MUC7: variants seen among roughly 807,000 people sequenced by gnomAD.
The protein encoded by MUC7 is mucin-7.
In MUC7, 2 loss-of-function variants were observed where a neutral mutation model predicts 2.5. The ratio of observed to expected loss-of-function variants is 0.81; its 90% CI spans 0.33 to 2.55. The LOEUF (loss-of-function observed/expected upper bound fraction) is 2.55, where lower values mean the gene tolerates loss of function less well. MUC7 is among the 30% of genes most tolerant of loss of function. MUC7 has a pLI of 0.11. For missense variants in MUC7, 408 were observed against 455.6 expected (o/e 0.90, Z 0.95); for synonymous variants, 133 against 173.4 (o/e 0.77, Z 1.83).
intron 1 of MUC7, among the ~76,000 whole-genome samples, chr4:70,456,033 T>A (rs1373042296): frequency 6.6e-6 from 1 of 152,192 alleles, no homozygotes; most frequent in East Asian, 1.9e-4. Context: ...CATATCACTA[T>A]CAACATTTTG....
upstream of MUC7, among the ~76,000 whole-genome samples, chr4:70,468,336 A>C (rs1010270010): frequency 2.0e-5 from 3 of 152,206 alleles, no homozygotes; most frequent in African/African-American, 7.2e-5. Context: ...ACTCCCTTTG[A>C]AAACCACCAG....
chr4:70,474,191 C>A lies in MUC7; in HGVS notation c.54+116C>A, dbSNP rs552955148. The stretch of plus-strand genomic sequence containing the variant: ...CCCCTATTTCCAAGAAGCTTGACAT[C>A]TTTTATTTCCAGGAAACCTATAAAT... On this transcript the variant is annotated intron_variant, in intron 2 of 2. Transcript: ENST00000304887. 8.6e-6 allele frequency: 7 copies of A among 816,176 alleles called. No individual in the cohort carries two copies. In the East Asian group the frequency reaches 1.5e-4, roughly 18 times the overall value. The allele number at this position is 816,176 out of a possible 1,614,324, so 50.6% of individuals were successfully genotyped here.
intron 1 of MUC7, among the ~76,000 whole-genome samples, chr4:70,432,390 A>G (rs968905404): frequency 6.6e-6 from 1 of 152,184 alleles, no homozygotes; most frequent in African/African-American, 2.4e-5. Context: ...CCATTTCTCC[A>G]CATCCTCTCC....
chr4:70,479,565 C>T (rs1735108805), intron 2 of MUC7, among the ~76,000 whole-genome samples: 1 of 152,114 alleles, frequency 6.6e-6, no homozygotes, highest in African/African-American at 2.4e-5. Flanking sequence ...TCTCATTTAT[C>T]CTGTTATATT....
At chr4:70,432,565 G>A (rs764888748) in intron 1 of MUC7, among the ~76,000 whole-genome samples, 7 of 152,094 alleles carry the variant, frequency 4.6e-5, no homozygotes, top group Non-Finnish European at 7.4e-5. Context: ...ATGTCTGTTC[G>A]TATCTTTTGC....
chr4:70,432,944 A>G (rs1199753788), intron 1 of MUC7, among the ~76,000 whole-genome samples: 1 of 152,218 alleles, frequency 6.6e-6, no homozygotes, highest in Non-Finnish European at 1.5e-5. Flanking sequence ...AGCTTTCTAC[A>G]TATGGCTAGC....
chr4:70,438,813 A>G (rs770859366), intron 1 of MUC7, among the ~76,000 whole-genome samples: 1 of 152,218 alleles, frequency 6.6e-6, no homozygotes, highest in African/African-American at 2.4e-5. Flanking sequence ...CTCTAGATAT[A>G]AGAATCTAAA....
chr4:70,443,138 T>C (rs1734046972), intron 1 of MUC7, among the ~76,000 whole-genome samples: 1 of 152,000 alleles, frequency 6.6e-6, no homozygotes, highest in Admixed American at 6.5e-5. Flanking sequence ...CACCCAGATG[T>C]TTATATTCAC....
At chr4:70,471,536 T>C (rs1231860876), upstream of MUC7, among the ~76,000 whole-genome samples, 1 of 152,188 alleles carries the variant, frequency 6.6e-6, no homozygotes, top group African/African-American at 2.4e-5. Context: ...ACAATTTCTG[T>C]AGTTTACCTT....
chr4:70,457,437 G>T (rs1340268631), intron 1 of MUC7, among the ~76,000 whole-genome samples: 1 of 152,030 alleles, frequency 6.6e-6, no homozygotes, highest in Non-Finnish European at 1.5e-5. Flanking sequence ...GCAAGACCTT[G>T]TCTCAATCAA....
At position 70,455,284 on chromosome 4, in the gene MUC7, C is replaced by T. The variant is rs184257898; in HGVS notation, c.-92-16931C>T. 4.5e-3 allele frequency among the ~76,000 whole-genome samples: 691 copies of T among 152,182 alleles called. 7 individuals carry two copies. The highest frequency in any genetic ancestry group is 0.016 in the African/African-American group (667 of 41,510). On this transcript the variant is annotated intron_variant, in intron 1 of 3. Transcript: ENST00000413702. ...CCCTGGGTCTGTCAGAGCTGGTGACCCACTTCTTAAAAAGCTTCATTAGGC... is the reference window on the plus strand; with the variant it reads ...CCCTGGGTCTGTCAGAGCTGGTGACTCACTTCTTAAAAAGCTTCATTAGGC...
chr4:70,477,015 T>C (rs1577916031), intron 2 of MUC7, among the ~76,000 whole-genome samples: 1 of 152,232 alleles, frequency 6.6e-6, no homozygotes, highest in Admixed American at 6.5e-5. Context: ...TTTAGCATAA[T>C]GCTTTCATTC....
chr4:70,456,097 C>T (rs1033441703), intron 1 of MUC7, among the ~76,000 whole-genome samples: 3 of 152,136 alleles, frequency 2.0e-5, no homozygotes, highest in Non-Finnish European at 4.4e-5. Flanking sequence ...CCTCATCTTC[C>T]TGTCTTTTTC....
chr4:70,436,270 C>G (rs1212670717), intron 1 of MUC7, among the ~76,000 whole-genome samples: 1 of 152,170 alleles, frequency 6.6e-6, no homozygotes, highest in Non-Finnish European at 1.5e-5. Context: ...TGGGGAAGTT[C>G]TCCTGGATAT....
chr4:70,445,056 A>C (rs975723508), intron 1 of MUC7, among the ~76,000 whole-genome samples: 3 of 152,136 alleles, frequency 2.0e-5, no homozygotes, highest in African/African-American at 7.2e-5. Context: ...AAAACAAAAC[A>C]AAAACAAACA....
At chr4:70,461,596 T>C (rs1483662131) in intron 1 of MUC7, among the ~76,000 whole-genome samples, 2 of 152,166 alleles carry the variant, frequency 1.3e-5, no homozygotes, top group Non-Finnish European at 1.5e-5. Flanking sequence ...TTGTCTCCTA[T>C]TCCAATACAA....
At chr4:70,434,508 G>C (rs1434142101) in intron 1 of MUC7, among the ~76,000 whole-genome samples, 2 of 152,202 alleles carry the variant, frequency 1.3e-5, no homozygotes, top group East Asian at 3.8e-4. Flanking sequence ...TATTTGCATA[G>C]AGGTGTTTAT....
chr4:70,437,386 TAC>T (rs1733872685), intron 1 of MUC7, among the ~76,000 whole-genome samples: 1 of 152,314 alleles, frequency 6.6e-6, no homozygotes, highest in South Asian at 2.1e-4. Context: ...CCTCTTTGTT[TAC>T]ATTGTGAGCA....
intron 1 of MUC7, among the ~76,000 whole-genome samples, chr4:70,444,586 T>G (rs938543969): frequency 6.6e-6 from 1 of 152,228 alleles, no homozygotes; most frequent in African/African-American, 2.4e-5. Flanking sequence ...CCACTGCAAT[T>G]GATGATGCAT....
Sources: gnomAD v4.1 joint callset for allele counts (sites outside exome capture counted in the v4.1 genomes callset) on GRCh38, gnomAD v4.1.1 for gene constraint, MANE v1.5 for transcripts, NCBI Gene and HGNC (gene_info 2026-07-23, HGNC 2026-07-21) for gene names.